MICU2: variants seen among roughly 807,000 people sequenced by gnomAD.
MICU2 encodes the protein calcium uptake protein 2, mitochondrial.
Under a neutral mutation model 60.4 loss-of-function variants are expected in MICU2, and 64 were observed. That is an observed-to-expected ratio of 1.06 (90% confidence interval 0.87 to 1.31). The LOEUF is 1.31. Among genes scored for constraint, MICU2 ranks in the 50% most tolerant of loss-of-function variants. The pLI, the probability that MICU2 is intolerant of heterozygous loss-of-function variation, is 0.00. For synonymous variants in MICU2, 201 were observed against 175.0 expected, an observed-to-expected ratio of 1.15 and a Z score of -1.17; for missense variants, 569 against 531.0, an observed-to-expected ratio of 1.07 and a Z score of -0.70.
intron 1 of MICU2, among the ~76,000 whole-genome samples, chr13:21,589,009 T>G (rs1451188842): frequency 2.0e-5 from 3 of 152,216 alleles, no homozygotes; most frequent in Non-Finnish European, 4.4e-5. Context: ...GCTGAACAAT[T>G]AAGGGCTACT....
rs1021974057 is a variant in MICU2 at position 21,496,259 on chromosome 13, CATTCTA to C, written c.934-105_934-100del. On this transcript the variant is annotated intron_variant, in intron 9 of 11. Transcript: ENST00000382374. ...TCTTTTCTACCGTAGAGACTAGTAT[CATTCTA>C]AGAGGAAGAGACAACAGAGCTTTCT... The C allele has an allele frequency of 3.5e-6, 3 of 851,880 alleles. No individual in the cohort carries two copies. In the African/African-American group the frequency reaches 5.1e-5, roughly 15 times the overall value. 52.8% of individuals were successfully genotyped at this position (851,880 alleles called of 1,614,324 possible).
chr13:21,573,843 G>A (rs879472996), intron 1 of MICU2, among the ~76,000 whole-genome samples: 4 of 152,052 alleles, frequency 2.6e-5, no homozygotes, highest in South Asian at 2.1e-4. Flanking sequence ...AGTACAAGGT[G>A]GGTAACAGCA....
At chr13:21,529,739 C>T (rs770831761) in intron 4 of MICU2, among the ~76,000 whole-genome samples, 3 of 152,180 alleles carry the variant, frequency 2.0e-5, no homozygotes, top group Non-Finnish European at 4.4e-5. Flanking sequence ...ATATTATCAT[C>T]TCTATTTTAC....
intron 6 of MICU2, chr13:21,515,810 G>A (rs1200052): frequency 0.91 from 148,076 of 161,846 alleles, 69,171 homozygotes; most frequent in East Asian, 1. Context: ...AGTTTTCAAT[G>A]CCCCCCTTTC....
At chr13:21,602,706 T>C (rs567826313) in intron 1 of MICU2, 2 of 152,332 alleles carry the variant, frequency 1.3e-5, no homozygotes, top group African/African-American at 2.4e-5. Flanking sequence ...TTAATACAAA[T>C]AAGGAATATC....
chr13:21,495,868 A>G (rs1158215587), intron 10 of MICU2, 184 bp downstream of exon 10: 2 of 497,434 alleles, frequency 4.0e-6, no homozygotes, highest in Non-Finnish European at 7.0e-6. Context: ...AGAAAATAAA[A>G]GTATAGAAAG....
chr13:21,525,844 T>C (rs1886840411), intron 4 of MICU2, among the ~76,000 whole-genome samples: 1 of 151,858 alleles, frequency 6.6e-6, no homozygotes, highest in South Asian at 2.1e-4. Context: ...TTTCTCCCAT[T>C]TGTGGGTCTT....
chr13:21,513,040 AT>A (rs1309294054), intron 7 of MICU2, among the ~76,000 whole-genome samples: 1 of 152,070 alleles, frequency 6.6e-6, no homozygotes, highest in Non-Finnish European at 1.5e-5. Flanking sequence ...GTTCACTGAT[AT>A]ATACACATGA....
chr13:21,530,749 C>CCCACCCCAGCCATACCCACCA, intron 4 of MICU2: 1 of 554,224 alleles, frequency 1.8e-6, no homozygotes, highest in Admixed American at 2.8e-5. Context: ...CAGAGCAGCC[C>CCCACCCCAGCCATACCCACCA]CCACCCCAGC....
chr13:21,596,145 G>A (rs1886168), intron 1 of MICU2, among the ~76,000 whole-genome samples: 152,282 of 152,284 alleles, frequency 1, 76,140 homozygotes, highest in Non-Finnish European at 1. Context: ...TCTTTTGATT[G>A]TCACTTCCAT....
intron 1 of MICU2, among the ~76,000 whole-genome samples, chr13:21,595,182 G>A (rs189754289): frequency 9.1e-4 from 138 of 152,168 alleles, no homozygotes; most frequent in South Asian, 6.0e-3. Flanking sequence ...ACTGTATACC[G>A]GCTGTCAATT....
chr13:21,574,177 C>T (rs1410687304), intron 1 of MICU2, among the ~76,000 whole-genome samples: 3 of 152,250 alleles, frequency 2.0e-5, no homozygotes, highest in East Asian at 3.9e-4. Context: ...TATCCCTACC[C>T]GAGATGCAAC....
chr13:21,585,686 C>CA (rs1280762972), intron 1 of MICU2, among the ~76,000 whole-genome samples: 1 of 152,170 alleles, frequency 6.6e-6, no homozygotes, highest in African/African-American at 2.4e-5. Context: ...TTAAAATATT[C>CA]ACTGACATGC....
chr13:21,539,605 C>G (rs975872950), intron 3 of MICU2, 52 bp downstream of exon 3: 28 of 1,612,090 alleles, frequency 1.7e-5, no homozygotes, highest in Non-Finnish European at 2.2e-5. Context: ...GCCAAAAGTT[C>G]ATTTTCTATC....
chr13:21,579,952 C>G (rs1888313355), intron 1 of MICU2, among the ~76,000 whole-genome samples: 1 of 152,138 alleles, frequency 6.6e-6, no homozygotes, highest in Admixed American at 6.6e-5. Context: ...GGTTATTTTT[C>G]TGTTTTGCTT....
intron 2 of MICU2, among the ~76,000 whole-genome samples, chr13:21,565,722 A>G (rs1199625250): frequency 6.6e-6 from 1 of 152,078 alleles, no homozygotes; most frequent in African/African-American, 2.4e-5. Flanking sequence ...AATCCCAGCT[A>G]CTCGGGAGGC....
chr13:21,556,735 T>C (rs1381471061), intron 2 of MICU2, among the ~76,000 whole-genome samples: 2 of 152,044 alleles, frequency 1.3e-5, no homozygotes, highest in African/African-American at 2.4e-5. Flanking sequence ...CTCCCTAGCT[T>C]ATGGCCTTAA....
intron 1 of MICU2, among the ~76,000 whole-genome samples, chr13:21,587,250 TA>T (rs1742726467): frequency 1.3e-5 from 2 of 152,156 alleles, no homozygotes; most frequent in South Asian, 4.1e-4. Context: ...TATAAATGAA[TA>T]AATGAGTAAA....
chr13:21,548,256 T>C (rs1887462094), intron 2 of MICU2, among the ~76,000 whole-genome samples: 1 of 152,326 alleles, frequency 6.6e-6, no homozygotes, highest in South Asian at 2.1e-4. Context: ...TGTGTTAATG[T>C]TGGTTGTTTC....
Sources: allele counts gnomAD v4.1 joint callset (sites outside exome capture counted in the v4.1 genomes callset), GRCh38; gene constraint gnomAD v4.1.1; transcripts MANE v1.5; gene names NCBI Gene and HGNC (gene_info 2026-07-23, HGNC 2026-07-21).